Variants in NCBP1 observed in about 807,000 individuals in gnomAD.
NCBP1 encodes nuclear cap-binding protein subunit 1.
In NCBP1, 16 loss-of-function variants were observed where a neutral mutation model predicts 111.7. The observed-to-expected ratio is 0.14, with a 90% CI of 0.10 to 0.22. The LOEUF (loss-of-function observed/expected upper bound fraction) is 0.22, where lower values mean the gene tolerates loss of function less well. NCBP1 is among the 10% of genes least tolerant of loss of function. The probability of loss-of-function intolerance (pLI) is 1.00; values close to 1 mark genes in which losing one functional copy is unlikely to be tolerated. For synonymous variants in NCBP1, 304 were observed against 314.3 expected (o/e 0.97, Z 0.35); for missense variants, 607 against 957.5 (o/e 0.63, Z 4.83).
chr9:97,647,434 T>C (rs1343032203), intron 6 of NCBP1, 58 bp from the exon 7 acceptor site: 8 of 1,321,150 alleles, frequency 6.1e-6, no homozygotes, highest in Non-Finnish European at 7.6e-6. Flanking sequence ...ACTGTGAGGG[T>C]GACTGAGCAT....
At chr9:97,663,154 C>A (rs1252132266) in intron 18 of NCBP1, 107 bp downstream of exon 18, 5 of 831,738 alleles carry the variant, frequency 6.0e-6, no homozygotes, top group Non-Finnish European at 9.7e-6. Flanking sequence ...TTGACTCTGC[C>A]TAGATAATGG....
chr9:97,664,454 T>A lies in NCBP1; in HGVS notation c.1901+11T>A. The A allele has an allele frequency of 6.4e-7, 1 of 1,554,606 alleles. No individual in the cohort carries two copies. Among genetic ancestry groups the A allele is most frequent in the Non-Finnish European group, 8.9e-7 (1 of 1,128,080 alleles). On this transcript the variant is annotated intron_variant, in intron 19 of 22. Coordinates refer to ENST00000375147, the MANE Select transcript of NCBP1 (RefSeq NM_002486.5). ...TCGTGACTTTACCAGGTAATATAAA[T>A]TATTTTATGAAACTTGTGTTCCCTA...
chr9:97,670,997 C>A, intron 22 of NCBP1, 89 bp from the exon 23 acceptor site: 1 of 764,212 alleles, frequency 1.3e-6, no homozygotes, highest in Non-Finnish European at 2.2e-6. Flanking sequence ...CATCATTCTG[C>A]AGCATGGGTG....
At position 97,672,389 on chromosome 9, in the gene NCBP1, C is replaced by A. The variant is rs183603695; in HGVS notation, c.*1190C>A. The A allele has an allele frequency of 6.6e-6, 1 of 152,138 alleles. No individual in the cohort carries two copies. The highest frequency in any genetic ancestry group is 1.5e-5 in the Non-Finnish European group (1 of 68,034). 9.4% of individuals were successfully genotyped at this position (152,138 alleles called of 1,614,324 possible). ...TATATTTTTGCTTTGGTTTACCATA[C>A]ATTTTAGTGGCTACAGAATGTAGTC... On this transcript the variant is annotated 3_prime_UTR_variant, in exon 23 of 23. Coordinates refer to ENST00000375147, the MANE Select transcript of NCBP1 (RefSeq NM_002486.5).
intron 16 of NCBP1, 36 bp from the exon 17 acceptor site, chr9:97,662,006 T>TTA: frequency 6.7e-7 from 1 of 1,493,834 alleles, no homozygotes; most frequent in Non-Finnish European, 9.3e-7. Context: ...ATTGCTGTGC[T>TTA]TACATTTTTC....
At chr9:97,654,597 C>T (rs753342114) in intron 11 of NCBP1, among the ~76,000 whole-genome samples, 19 of 151,360 alleles carry the variant, frequency 1.3e-4, no homozygotes, top group Non-Finnish European at 2.5e-4. Flanking sequence ...TTCTGCTAAG[C>T]ACAATGAAAC....
At position 97,658,671 on chromosome 9, in the gene NCBP1, G is replaced by A; in HGVS notation, c.1405G>A (p.Val469Ile). The change falls in exon 15 of 23, where the codon GTT (valine) becomes ATT (isoleucine). Residue 469 changes from valine (V) to isoleucine (I), a missense_variant. Physicochemically the swap from Val to Ile is conservative, Grantham distance 29 (BLOSUM62 3). Coordinates refer to ENST00000375147, the MANE Select transcript of NCBP1 (RefSeq NM_002486.5). ...TTACCATCAGCGTATATTAGATATT[G>A]TTCCTCCTACCTTCTCAGCTCTGTG... Reference protein sequence around the residue: ...LSYHQRILDIVPPTFSALCPA... With the variant: ...LSYHQRILDIIPPTFSALCPA... 1 of 1,613,054 alleles carries A rather than the reference G, an allele frequency of 6.2e-7. No individual in the cohort carries two copies.
chr9:97,636,711 C>T (rs1827052105), intron 1 of NCBP1, among the ~76,000 whole-genome samples: 1 of 146,290 alleles, frequency 6.8e-6, no homozygotes, highest in African/African-American at 2.5e-5. Flanking sequence ...CAGTGCCAAG[C>T]TCTGTCCTAA....
In NCBP1 at chr9:97,639,957, G is replaced by A. The variant is rs534244082; in HGVS notation, c.35-837G>A. 4.6e-5 allele frequency among the ~76,000 whole-genome samples: 7 copies of A among 152,042 alleles called. No individual in the cohort carries two copies. The South Asian group carries it at 1.4e-3, about 31-fold the overall frequency. The stretch of plus-strand genomic sequence containing the variant: ...GATTTAAAAAACATAGAGATTATTC[G>A]AATGATATGGTTTTTAAATAAAGCA... On this transcript the variant is annotated intron_variant, in intron 1 of 22. Coordinates refer to ENST00000375147, the MANE Select transcript of NCBP1 (RefSeq NM_002486.5).
chr9:97,637,829 G>T (rs945818564), intron 1 of NCBP1, among the ~76,000 whole-genome samples: 1 of 152,134 alleles, frequency 6.6e-6, no homozygotes, highest in Non-Finnish European at 1.5e-5. Flanking sequence ...TTCTTGTAAG[G>T]CTATAAGATG....
intron 4 of NCBP1, 99 bp downstream of exon 4, chr9:97,643,459 C>G: frequency 7.9e-7 from 1 of 1,265,094 alleles, no homozygotes; most frequent in African/African-American, 1.6e-5. Context: ...CTAAAACATT[C>G]TCATTCACTT....
At chr9:97,641,410 C>A in intron 2 of NCBP1, 152 bp from the exon 3 acceptor site, 1 of 485,370 alleles carries the variant, frequency 2.1e-6, no homozygotes, top group Non-Finnish European at 3.0e-6. Context: ...TATTTTAGTT[C>A]ACTAAAATAG....
intron 5 of NCBP1, 51 bp from the exon 6 acceptor site, chr9:97,645,560 A>G (rs1827310452): frequency 1.3e-6 from 2 of 1,533,742 alleles, no homozygotes; most frequent in African/African-American, 1.4e-5. Flanking sequence ...TAAAATATGA[A>G]TGAATATAAT....
chr9:97,667,935 C>T (rs1277892364), intron 20 of NCBP1, among the ~76,000 whole-genome samples: 3 of 152,132 alleles, frequency 2.0e-5, no homozygotes, highest in Non-Finnish European at 4.4e-5. Flanking sequence ...AAAGGACAGT[C>T]GTGTACCCAC....
chr9:97,635,101 G>A (rs542918373), intron 1 of NCBP1, among the ~76,000 whole-genome samples: 2 of 152,306 alleles, frequency 1.3e-5, no homozygotes, highest in African/African-American at 4.8e-5. Flanking sequence ...CTCCTTGAGT[G>A]TTGTGGCAGT....
intron 20 of NCBP1, among the ~76,000 whole-genome samples, chr9:97,668,167 A>G (rs1446951494): frequency 6.6e-6 from 1 of 152,252 alleles, no homozygotes; most frequent in Non-Finnish European, 1.5e-5. Flanking sequence ...GTAACACCTT[A>G]GAGCCACGTT....
chr9:97,657,885 G>GCGCTCTCTCTCTCTCTCTCT (rs1554694967), intron 14 of NCBP1, among the ~76,000 whole-genome samples: 1 of 114,028 alleles, frequency 8.8e-6, no homozygotes, highest in African/African-American at 3.6e-5. Flanking sequence ...GCCCCGGTAA[G>GCGCTCTCTCTCTCTCTCTCT]CTCTCTCTCT....
At chr9:97,648,458 G>A (rs1827408384) in intron 8 of NCBP1, among the ~76,000 whole-genome samples, 1 of 152,212 alleles carries the variant, frequency 6.6e-6, no homozygotes, top group Non-Finnish European at 1.5e-5. Context: ...TGCAGGCTAA[G>A]AGTGTGGGTT....
rs951279336 is a variant in NCBP1, at chr9:97,671,976, T to C, written c.*777T>C. On this transcript the variant is annotated 3_prime_UTR_variant, in exon 23 of 23. Transcript: ENST00000375147. ...CTTCCTCTAGCCTTGGGGTTATTTG[T>C]CCAAGGTCTTGTAGTGAGTTACAGA... 4 of 152,198 alleles carry C rather than the reference T, an allele frequency of 2.6e-5. No homozygotes were observed. The highest frequency in any genetic ancestry group is 6.5e-5 in the Admixed American group (1 of 15,284). 9.4% of individuals were successfully genotyped at this position (152,198 alleles called of 1,614,324 possible).
Sources: allele counts gnomAD v4.1 joint callset (sites outside exome capture counted in the v4.1 genomes callset), GRCh38; gene constraint gnomAD v4.1.1; transcripts MANE v1.5; gene names NCBI Gene and HGNC (gene_info 2026-07-23, HGNC 2026-07-21).